Variants in CISD1 observed in about 807,000 individuals in gnomAD.
The protein encoded by CISD1 is CDGSH iron sulfur domain 1, also known as CDGSH iron-sulfur domain-containing protein 1.
CISD1 carries 8 observed loss-of-function variants against 12.0 expected under a neutral mutation model. The observed-to-expected ratio is 0.67, with a 90% CI of 0.39 to 1.20. CISD1 has a LOEUF of 1.20. CISD1 is among the 50% of genes most tolerant of loss of function. CISD1 has a pLI of 0.01. For missense variants in CISD1, 107 were observed against 132.7 expected, an observed-to-expected ratio of 0.81 and a Z score of 0.95; for synonymous variants, 38 against 42.2, an observed-to-expected ratio of 0.90 and a Z score of 0.39.
Position 58,285,520 on chromosome 10 carries a change from T to C in CISD1, c.238-2041T>C, listed in dbSNP as rs746790052. Among the ~76,000 whole-genome samples, 11 of 152,160 alleles carry C rather than the reference T, an allele frequency of 7.2e-5. 1 individual carries two copies. Among genetic ancestry groups the C allele is most frequent in the Non-Finnish European group, 1.3e-4 (9 of 68,016 alleles). ...TAGACTAAACAGTGAAACTCTAGAT[T>C]CTAGAGTGTAGATACATTCAAAACA... On this transcript the variant is annotated intron_variant, in intron 2 of 2. Transcript: ENST00000333926.
At chr10:58,287,222 C>A (rs980305599) in intron 2 of CISD1, among the ~76,000 whole-genome samples, 2 of 151,996 alleles carry the variant, frequency 1.3e-5, no homozygotes, top group African/African-American at 4.8e-5. Flanking sequence ...CGCCTGGCCG[C>A]AAATTGATTT....
chr10:58,287,417 G>C (rs3758567), intron 2 of CISD1, 144 bp from the exon 3 acceptor site: 29,210 of 499,148 alleles, frequency 0.059, 1,102 homozygotes, highest in East Asian at 0.12. Context: ...AGCATATGTA[G>C]TTTACATATG....
intron 1 of CISD1, among the ~76,000 whole-genome samples, chr10:58,270,606 A>C (rs1260887940): frequency 6.6e-6 from 1 of 152,276 alleles, no homozygotes; most frequent in African/African-American, 2.4e-5. Flanking sequence ...TTTTGTGTAC[A>C]TGAACACTAA....
intron 2 of CISD1, among the ~76,000 whole-genome samples, chr10:58,284,664 T>C (rs922213725): frequency 2.0e-5 from 3 of 152,004 alleles, no homozygotes; most frequent in Admixed American, 2.0e-4. Context: ...TTCTCACTTT[T>C]GATATATGAC....
rs191824541 is a variant in CISD1, at chr10:58,286,830, A to T, written c.238-731A>T. ...AATGATGTTAAAAAGGGAGATATTG[A>T]CATATTTGTATGAAAGTGGAGAAAT... On this transcript the variant is annotated intron_variant, in intron 2 of 2. Coordinates refer to ENST00000333926, the MANE Select transcript of CISD1 (RefSeq NM_018464.5). Among the ~76,000 whole-genome samples the T allele has an allele frequency of 9.2e-5, 14 of 152,390 alleles. No individual in the cohort carries two copies. In the East Asian group the frequency reaches 2.7e-3, roughly 29 times the overall value.
intron 2 of CISD1, among the ~76,000 whole-genome samples, chr10:58,283,239 C>T (rs1013844148): frequency 6.6e-6 from 1 of 151,850 alleles, no homozygotes; most frequent in East Asian, 1.9e-4. Flanking sequence ...TTCATAAAAA[C>T]GATATTCTGA....
chr10:58,274,250 AT>A (rs973834711), intron 1 of CISD1, among the ~76,000 whole-genome samples: 5 of 152,086 alleles, frequency 3.3e-5, no homozygotes, highest in African/African-American at 7.2e-5. Flanking sequence ...GGATGTTGCT[AT>A]TTTTATTTGT....
rs144548021 is a variant in CISD1, at chr10:58,288,553, A to T, written c.*903A>T. Reference sequence around the variant, plus strand: ...TTTTTTTTTCCCACTCTAGCTAATCAAGCACATGGCTTTTAAATTGTATGA... The same window carrying T: ...TTTTTTTTTCCCACTCTAGCTAATCTAGCACATGGCTTTTAAATTGTATGA... On this transcript the variant is annotated 3_prime_UTR_variant, in exon 3 of 3. Coordinates refer to ENST00000333926, the MANE Select transcript of CISD1 (RefSeq NM_018464.5). 2.6e-5 allele frequency: 4 copies of T among 152,372 alleles called. No individual in the cohort carries two copies. The highest frequency in any genetic ancestry group is 9.6e-5 in the African/African-American group (4 of 41,560). The allele number at this position is 152,372 out of a possible 1,614,324, so 9.4% of individuals were successfully genotyped here. A position where few individuals can be genotyped will look rare whatever the true frequency, so the allele number is the denominator to read the frequency against.
Position 58,277,271 on chromosome 10 carries a change from G to A in CISD1, c.186G>A (p.Met62Ile). The A allele has an allele frequency of 1.2e-6, 2 of 1,610,596 alleles. No individual in the cohort carries two copies. The highest frequency in any genetic ancestry group is 2.2e-5 in the South Asian group (2 of 90,400). ...DNPKIVHAFD[M>I]EDLGDKAVYC... Reference sequence around the variant, plus strand: ...CCAAGATAGTACATGCTTTTGACATGGAGGATTTGGGAGATAAAGCTGTGT... The same window carrying A: ...CCAAGATAGTACATGCTTTTGACATAGAGGATTTGGGAGATAAAGCTGTGT... Residue 62 changes from methionine (M) to isoleucine (I), a missense_variant, in exon 2 of 3, where the codon ATG becomes ATA. By Grantham distance (10) the Met-to-Ile change is conservative. Coordinates refer to ENST00000333926, the MANE Select transcript of CISD1 (RefSeq NM_018464.5).
rs1292398776 is a variant in CISD1, at chr10:58,277,190, T to C, written c.105T>C (p.Tyr35=). 3 of 1,612,904 alleles carry C rather than the reference T, an allele frequency of 1.9e-6. No individual in the cohort carries two copies. The highest frequency in any genetic ancestry group is 1.7e-6 in the Non-Finnish European group (2 of 1,179,420). Residue 35 remains tyrosine, a synonymous_variant, in exon 2 of 3, where the codon TAT becomes TAC. Transcript: ENST00000333926. The part of the protein sequence containing the change: ...AIGYLAYKRF[Y]VKDHRNKAMI... ...GTTATCTAGCTTACAAAAGATTTTA[T>C]GTTAAAGATCATCGAAATAAAGCTA...
At chr10:58,283,931 A>G (rs1839400208) in intron 2 of CISD1, among the ~76,000 whole-genome samples, 1 of 152,234 alleles carries the variant, frequency 6.6e-6, no homozygotes, top group Non-Finnish European at 1.5e-5. Flanking sequence ...TATCAATACT[A>G]CACGAACTGA....
intron 2 of CISD1, among the ~76,000 whole-genome samples, chr10:58,285,078 CT>C (rs1839414255): frequency 6.6e-6 from 1 of 152,090 alleles, no homozygotes; most frequent in African/African-American, 2.4e-5. Context: ...GAAAGCTTGA[CT>C]TTATGTTTTT....
intron 1 of CISD1, among the ~76,000 whole-genome samples, chr10:58,272,171 T>C (rs2790174): frequency 0.34 from 50,942 of 151,150 alleles, 10,822 homozygotes; most frequent in African/African-American, 0.61. Flanking sequence ...AAATATTTAG[T>C]GCCTCATAAA....
At chr10:58,285,312 A>G in intron 2 of CISD1, among the ~76,000 whole-genome samples, 1 of 152,206 alleles carries the variant, frequency 6.6e-6, no homozygotes, top group Non-Finnish European at 1.5e-5. Flanking sequence ...TTAAAATTTG[A>G]TTACTTTAAC....
chr10:58,283,824 A>G (rs1564547523), intron 2 of CISD1, among the ~76,000 whole-genome samples: 1 of 152,244 alleles, frequency 6.6e-6, no homozygotes, highest in African/African-American at 2.4e-5. Flanking sequence ...GTTAACAAAC[A>G]TAAAAGGATG....
chr10:58,279,415 G>A (rs1401108498), intron 2 of CISD1, among the ~76,000 whole-genome samples: 1 of 151,966 alleles, frequency 6.6e-6, no homozygotes, highest in Non-Finnish European at 1.5e-5. Context: ...TTTATGACAA[G>A]TATTTCAGAT....
At position 58,287,832 on chromosome 10, in the gene CISD1, CAAAA is replaced by C. The variant is rs60626434; in HGVS notation, c.*196_*199del. The stretch of plus-strand genomic sequence containing the variant: ...ACATCGTGGTGCACATTTGTTTAAA[CAAAA>C]AAAAAAAAAAAAAGGAAAAACCAAC... On this transcript the variant is annotated 3_prime_UTR_variant, in exon 3 of 3. Transcript: ENST00000333926. 1,999 of 254,518 alleles carry C rather than the reference CAAAA, an allele frequency of 7.9e-3. No individual in the cohort carries two copies. Among genetic ancestry groups the C allele is most frequent in the Middle Eastern group, 0.011 (10 of 874 alleles). The allele number at this position is 254,518 out of a possible 1,614,324, so 15.8% of individuals were successfully genotyped here. A position where few individuals can be genotyped will look rare whatever the true frequency, so the allele number is the denominator to read the frequency against.
At chr10:58,269,737 C>G (rs1290329501) in intron 1 of CISD1, among the ~76,000 whole-genome samples, 1 of 152,194 alleles carries the variant, frequency 6.6e-6, no homozygotes, top group African/African-American at 2.4e-5. Context: ...TGAAGCATTG[C>G]GTGACTAATC....
Position 58,282,208 on chromosome 10 carries a change from C to T in CISD1, c.237+4886C>T, listed in dbSNP as rs913623192. Among the ~76,000 whole-genome samples the T allele has an allele frequency of 3.9e-5, 6 of 152,204 alleles. No individual in the cohort carries two copies. In the South Asian group the frequency reaches 6.2e-4, roughly 16 times the overall value. On this transcript the variant is annotated intron_variant, in intron 2 of 2. Transcript: ENST00000333926. ...AACTCCTGACCTCAAGTGATCCACC[C>T]GCCTTGGCCTCCCAGAGTGCTGGGA...
Sources: allele counts gnomAD v4.1 joint callset (sites outside exome capture counted in the v4.1 genomes callset), GRCh38; gene constraint gnomAD v4.1.1; transcripts MANE v1.5; gene names NCBI Gene and HGNC (gene_info 2026-07-23, HGNC 2026-07-21).